PROM1: variants seen among roughly 807,000 people sequenced by gnomAD.
PROM1 encodes the protein prominin 1, also known as prominin-1.
A neutral mutation model predicts 116.9 loss-of-function variants in PROM1; 105 were observed. The observed-to-expected ratio is 0.90, with a 90% CI of 0.77 to 1.06. The LOEUF (loss-of-function observed/expected upper bound fraction) is 1.06. Ranked by LOEUF, PROM1 falls within the 50% of genes least tolerant of loss-of-function variation. The pLI is 0.00. For missense variants in PROM1, 1,122 were observed against 1,045.2 expected, an observed-to-expected ratio of 1.07 and a Z score of -1.01; for synonymous variants, 393 against 387.0, an observed-to-expected ratio of 1.02 and a Z score of -0.18.
At chr4:16,037,069 G>A (rs1243733918) in intron 3 of PROM1, among the ~76,000 whole-genome samples, 3 of 152,166 alleles carry the variant, frequency 2.0e-5, no homozygotes, top group Non-Finnish European at 4.4e-5. Flanking sequence ...TGCCAGGGAC[G>A]GTGGCAGCCC....
intron 19 of PROM1, among the ~76,000 whole-genome samples, chr4:15,988,539 G>C (rs2149096874): frequency 6.6e-6 from 1 of 152,298 alleles, no homozygotes; most frequent in East Asian, 1.9e-4. Context: ...TACAAAAACT[G>C]CTGGTAGGCT....
At chr4:16,047,740 G>A (rs2149454064) in intron 2 of PROM1, among the ~76,000 whole-genome samples, 1 of 152,224 alleles carries the variant, frequency 6.6e-6, no homozygotes, top group Admixed American at 6.5e-5. Flanking sequence ...TACCTCATGG[G>A]TGCTGGAGCA....
At position 16,035,724 on chromosome 4, in the gene PROM1, A is replaced by T. The variant is rs778757212; in HGVS notation, c.303+11T>A. On this transcript the variant is annotated intron_variant, in intron 4 of 27. Coordinates refer to ENST00000447510, the MANE Select transcript of PROM1 (RefSeq NM_006017.3). ...CCAAGAGCAACTTGAAATAGCAGACAAGGACTTTACCTTTAGACCTAAGAT... is the reference window on the plus strand; with the variant it reads ...CCAAGAGCAACTTGAAATAGCAGACTAGGACTTTACCTTTAGACCTAAGAT... The T allele has an allele frequency of 6.2e-7, 1 of 1,611,084 alleles. No homozygotes were observed. The highest frequency in any genetic ancestry group is 1.7e-5 in the Admixed American group (1 of 60,028).
chr4:16,079,015 A>C (rs1744499070), intron 1 of PROM1, among the ~76,000 whole-genome samples: 1 of 151,902 alleles, frequency 6.6e-6, no homozygotes, highest in Non-Finnish European at 1.5e-5. Context: ...AGACACCTTG[A>C]CCCTGGTGTT....
At chr4:16,051,187 ATT>A (rs1233997542) in intron 2 of PROM1, among the ~76,000 whole-genome samples, 1 of 152,244 alleles carries the variant, frequency 6.6e-6, no homozygotes, top group Non-Finnish European at 1.5e-5. Context: ...GTTCAAAGTT[ATT>A]CAGACATGAG....
chr4:15,975,949 T>C (rs11734657), intron 26 of PROM1, among the ~76,000 whole-genome samples: 152,086 of 152,360 alleles, frequency 1, 75,908 homozygotes, highest in Middle Eastern at 1. Context: ...ACCCTTGGAG[T>C]TCTACTATAG....
intron 19 of PROM1, 89 bp from the exon 20 acceptor site, chr4:15,987,805 T>A (rs1719843954): frequency 9.6e-7 from 1 of 1,040,718 alleles, no homozygotes; most frequent in Non-Finnish European, 1.5e-6. Flanking sequence ...AAGATAGCCA[T>A]CAAATCTGTC....
Position 16,030,430 on chromosome 4 carries a change from GA to G in PROM1, c.509+2873del, listed in dbSNP as rs200946884. 8.2e-3 allele frequency among the ~76,000 whole-genome samples: 1,245 copies of G among 152,122 alleles called. 30 individuals are homozygous for G. The highest frequency in any genetic ancestry group is 0.034 in the East Asian group (175 of 5,184). On this transcript the variant is annotated intron_variant, in intron 5 of 27. Transcript: ENST00000447510. The stretch of plus-strand genomic sequence containing the variant: ...CACATTAATGTTTTACTTGGGTGGG[GA>G]AAAAAATTGTTTTAACTGAATGTGT...
chr4:16,070,161 C>A (rs1450848161), intron 2 of PROM1, among the ~76,000 whole-genome samples: 1 of 152,164 alleles, frequency 6.6e-6, no homozygotes, highest in Non-Finnish European at 1.5e-5. Context: ...TTTAGATCAA[C>A]CTCTCAAGAT....
intron 17 of PROM1, 110 bp downstream of exon 17, chr4:15,992,138 T>A (rs1290805557): frequency 1.4e-5 from 19 of 1,402,226 alleles, no homozygotes; most frequent in Non-Finnish European, 1.9e-5. Flanking sequence ...TTTAAAATAG[T>A]CTTACATCAT....
intron 3 of PROM1, among the ~76,000 whole-genome samples, chr4:16,037,446 C>A (rs1734187180): frequency 6.6e-6 from 1 of 152,160 alleles, no homozygotes; most frequent in Non-Finnish European, 1.5e-5. Flanking sequence ...CTTTCCTCTT[C>A]TGCATTTACT....
At chr4:16,003,925 A>G (rs1724533519) in intron 13 of PROM1, among the ~76,000 whole-genome samples, 1 of 152,196 alleles carries the variant, frequency 6.6e-6, no homozygotes, top group Non-Finnish European at 1.5e-5. Flanking sequence ...CTTGGTTTTG[A>G]AAGAGACCAT....
rs188927600 is a variant in PROM1, at chr4:16,017,752, T to C, written c.1002+571A>G. Reference sequence around the variant, plus strand: ...AAGAGAATCACTTGAACACAAGAGGTTGGAGGTTGCAGTCAGCTGAGATCG... The same window carrying C: ...AAGAGAATCACTTGAACACAAGAGGCTGGAGGTTGCAGTCAGCTGAGATCG... On this transcript the variant is annotated intron_variant, in intron 9 of 27. Transcript: ENST00000447510. 2.4e-4 allele frequency among the ~76,000 whole-genome samples: 37 copies of C among 152,206 alleles called. No individual in the cohort carries two copies. In the East Asian group the frequency reaches 6.0e-3, roughly 25 times the overall value.
At chr4:16,020,858 G>A (rs1729675043) in intron 8 of PROM1, among the ~76,000 whole-genome samples, 1 of 152,094 alleles carries the variant, frequency 6.6e-6, no homozygotes, top group Non-Finnish European at 1.5e-5. Flanking sequence ...CTATTAACTG[G>A]GTTGTAACTC....
At chr4:16,037,568 C>T (rs535190512) in intron 3 of PROM1, among the ~76,000 whole-genome samples, 13 of 152,234 alleles carry the variant, frequency 8.5e-5, no homozygotes, top group African/African-American at 2.2e-4. Flanking sequence ...TCTCCCATGC[C>T]GGAAACACTA....
Position 16,000,481 on chromosome 4 carries a change from GA to G in PROM1, c.1578+14del, listed in dbSNP as rs1289766742. ...TGTTCAAGTCCTTTCATAATGGGTA[GA>G]AAATCATATTTACCCGGAATAATTC... On this transcript the variant is annotated intron_variant, in intron 14 of 27. Coordinates refer to ENST00000447510, the MANE Select transcript of PROM1 (RefSeq NM_006017.3). 2 of 1,567,842 alleles carry G rather than the reference GA, an allele frequency of 1.3e-6. No homozygotes were observed. The highest frequency in any genetic ancestry group is 2.7e-5 in the African/African-American group (2 of 73,762).
intron 4 of PROM1, among the ~76,000 whole-genome samples, chr4:16,034,655 G>A (rs1335194750): frequency 6.6e-6 from 1 of 152,148 alleles, no homozygotes; most frequent in East Asian, 1.9e-4. Context: ...GCATGTAGCT[G>A]CTTATATTTC....
intron 2 of PROM1, among the ~76,000 whole-genome samples, chr4:16,068,222 A>C (rs1006410508): frequency 5.3e-5 from 8 of 152,200 alleles, no homozygotes; most frequent in African/African-American, 1.7e-4. Context: ...ATCTTAAATA[A>C]AAATGATAGG....
chr4:16,029,116 C>T (rs1262027596), intron 5 of PROM1, among the ~76,000 whole-genome samples: 2 of 152,166 alleles, frequency 1.3e-5, no homozygotes, highest in African/African-American at 4.8e-5. Context: ...CTGTAAGTAA[C>T]CAGACCTCAT....
Sources: gnomAD v4.1 joint callset for allele counts (sites outside exome capture counted in the v4.1 genomes callset) on GRCh38, gnomAD v4.1.1 for gene constraint, MANE v1.5 for transcripts, NCBI Gene and HGNC (gene_info 2026-07-23, HGNC 2026-07-21) for gene names.